SESN3: variants seen among roughly 807,000 people sequenced by gnomAD.
SESN3 encodes the protein sestrin 3, also known as sestrin-3.
Under a neutral mutation model 55.3 loss-of-function variants are expected in SESN3, and 21 were observed. The observed-to-expected ratio is 0.38, with a 90% CI of 0.27 to 0.55. SESN3 has a LOEUF of 0.55. SESN3 is among the 20% of genes least tolerant of loss of function. The probability of loss-of-function intolerance (pLI) is 0.76; values close to 1 mark genes in which losing one functional copy is unlikely to be tolerated. For synonymous variants in SESN3, 181 were observed against 203.1 expected (o/e 0.89, Z 0.93); for missense variants, 408 against 604.3 (o/e 0.68, Z 3.41).
chr11:95,184,295 AGAG>A (rs1360528400), intron 6 of SESN3, 122 bp downstream of exon 6: 6 of 747,952 alleles, frequency 8.0e-6, no homozygotes, highest in East Asian at 8.0e-5. Context: ...GTAAGATAGA[AGAG>A]GAGAACTAAA....
chr11:95,218,645 CTCTT>C (rs1278294063), intron 1 of SESN3, among the ~76,000 whole-genome samples: 1 of 146,454 alleles, frequency 6.8e-6, no homozygotes, highest in East Asian at 2.0e-4. Flanking sequence ...TAGATTTACC[CTCTT>C]TTTTTTTTTT....
intron 4 of SESN3, among the ~76,000 whole-genome samples, chr11:95,186,208 G>GTGTGTGTGTC (rs1860162271): frequency 6.8e-6 from 1 of 146,276 alleles, no homozygotes. Flanking sequence ...GTGTGTGTGT[G>GTGTGTGTGTC]TGTGTGTGTG....
intron 1 of SESN3, among the ~76,000 whole-genome samples, chr11:95,207,544 G>A (rs538160532): frequency 6.6e-6 from 1 of 151,542 alleles, no homozygotes; most frequent in African/African-American, 2.4e-5. Flanking sequence ...CTAAATGCTG[G>A]TAGAAAGTTT....
intron 6 of SESN3, chr11:95,182,207 C>A (rs1047714376): frequency 1.7e-5 from 5 of 294,158 alleles, no homozygotes; most frequent in Non-Finnish European, 3.4e-5. Context: ...ATTTTTCAAG[C>A]TTTAGTGATC....
rs1250776923 is a variant in SESN3 at position 95,170,786 on chromosome 11, A to G, written c.*2469T>C. Reference sequence around the variant, plus strand: ...GGCTGGTTCACTGAGGTTCATAAATATATGGTGTTGTTTTTGTTTATAGTT... The same window carrying G: ...GGCTGGTTCACTGAGGTTCATAAATGTATGGTGTTGTTTTTGTTTATAGTT... On this transcript the variant is annotated 3_prime_UTR_variant, in exon 10 of 10. Coordinates refer to ENST00000536441, the MANE Select transcript of SESN3 (RefSeq NM_144665.4). 3 of 152,160 alleles carry G rather than the reference A, an allele frequency of 2.0e-5. No homozygotes were observed. Among genetic ancestry groups the G allele is most frequent in the Admixed American group, 2.0e-4 (3 of 15,272 alleles). 9.4% of individuals were successfully genotyped at this position (152,160 alleles called of 1,614,324 possible). A position where few individuals can be genotyped will look rare whatever the true frequency, so the allele number is the denominator to read the frequency against.
intron 1 of SESN3, among the ~76,000 whole-genome samples, chr11:95,196,957 C>T (rs1315348822): frequency 2.6e-5 from 4 of 152,158 alleles, no homozygotes; most frequent in African/African-American, 9.7e-5. Context: ...CAGAAATGCT[C>T]TGAACCAATC....
intron 1 of SESN3, among the ~76,000 whole-genome samples, chr11:95,222,066 C>A (rs145234032): frequency 6.6e-6 from 1 of 152,158 alleles, no homozygotes; most frequent in East Asian, 1.9e-4. Flanking sequence ...CTAGGCTCAC[C>A]TAGAATCTTG....
At chr11:95,218,281 A>G (rs1046627278) in intron 1 of SESN3, among the ~76,000 whole-genome samples, 3 of 152,184 alleles carry the variant, frequency 2.0e-5, no homozygotes, top group African/African-American at 7.2e-5. Flanking sequence ...ACCAAATCCT[A>G]CTCTTGACTG....
intron 6 of SESN3, among the ~76,000 whole-genome samples, chr11:95,182,345 C>T (rs1860072731): frequency 6.6e-6 from 1 of 152,066 alleles, no homozygotes; most frequent in Non-Finnish European, 1.5e-5. Context: ...TTCCTTCAAC[C>T]TCACCTCTTC....
intron 1 of SESN3, among the ~76,000 whole-genome samples, chr11:95,209,903 G>A (rs1315954599): frequency 6.7e-6 from 1 of 150,068 alleles, no homozygotes; most frequent in Non-Finnish European, 1.5e-5. Flanking sequence ...TGTAGTCCCA[G>A]CTACTCTGGA....
At chr11:95,206,379 C>G (rs971870474) in intron 1 of SESN3, among the ~76,000 whole-genome samples, 39 of 150,468 alleles carry the variant, frequency 2.6e-4, no homozygotes, top group Middle Eastern at 3.2e-3. Flanking sequence ...CACACACACA[C>G]ACACACACAC....
At chr11:95,176,353 G>A (rs1859955654) in intron 8 of SESN3, among the ~76,000 whole-genome samples, 1 of 152,204 alleles carries the variant, frequency 6.6e-6, no homozygotes, top group Non-Finnish European at 1.5e-5. Flanking sequence ...TAGCCAGATG[G>A]AAATGAAAGG....
chr11:95,228,710 G>C (rs981240402), intron 1 of SESN3, among the ~76,000 whole-genome samples: 4 of 152,156 alleles, frequency 2.6e-5, no homozygotes, highest in African/African-American at 9.7e-5. Flanking sequence ...TTTCCATTAA[G>C]TTATTTCATG....
intron 1 of SESN3, among the ~76,000 whole-genome samples, chr11:95,223,887 C>A (rs893501433): frequency 6.6e-6 from 1 of 152,012 alleles, no homozygotes; most frequent in African/African-American, 2.4e-5. Context: ...GTTATAACTG[C>A]CCATATTTAC....
intron 1 of SESN3, among the ~76,000 whole-genome samples, chr11:95,224,886 A>T (rs11021088): frequency 0.29 from 43,817 of 152,070 alleles, 6,750 homozygotes; most frequent in Non-Finnish European, 0.33. Flanking sequence ...TTACATGAAA[A>T]AAGTGGCTAG....
At position 95,230,641 on chromosome 11, in the gene SESN3, G is replaced by T; in HGVS notation, c.78+142C>A. 1 of 613,674 alleles carries T rather than the reference G, an allele frequency of 1.6e-6. No individual in the cohort carries two copies. The highest frequency in any genetic ancestry group is 2.8e-6 in the Non-Finnish European group (1 of 357,120). The allele number at this position is 613,674 out of a possible 1,614,324, so 38.0% of individuals were successfully genotyped here. The stretch of plus-strand genomic sequence containing the variant: ...CCAAACCCTCCTGCCCTCAACCCAC[G>T]CCCCCTTTCTCAGTCCCTGCGGAGG... On this transcript the variant is annotated intron_variant, in intron 1 of 9. Coordinates refer to ENST00000536441, the MANE Select transcript of SESN3 (RefSeq NM_144665.4). This position sits in a 1 kb window ranked among gnomAD's most constrained non-coding sequence, Gnocchi z 4.6.
chr11:95,181,063 C>T (rs562321591), intron 6 of SESN3, among the ~76,000 whole-genome samples: 11 of 151,940 alleles, frequency 7.2e-5, no homozygotes, highest in South Asian at 2.1e-4. Flanking sequence ...AAGCCAAAAA[C>T]GGTAAGTAAT....
intron 5 of SESN3, among the ~76,000 whole-genome samples, 192 bp downstream of exon 5, chr11:95,185,064 T>C (rs1246880638): frequency 6.6e-6 from 1 of 152,066 alleles, no homozygotes; most frequent in Non-Finnish European, 1.5e-5. Flanking sequence ...TGCAGTAATA[T>C]GTATTTGCTT....
intron 1 of SESN3, among the ~76,000 whole-genome samples, chr11:95,198,650 G>A (rs892875183): frequency 1.3e-5 from 2 of 151,932 alleles, no homozygotes; most frequent in African/African-American, 2.4e-5. Flanking sequence ...AGTTTCTTTC[G>A]CTGTCACTAG....
Sources: gnomAD v4.1 joint callset for allele counts (sites outside exome capture counted in the v4.1 genomes callset) on GRCh38, gnomAD v4.1.1 for gene constraint, Gnocchi (gnomAD v3.1) non-coding constraint, MANE v1.5 for transcripts, NCBI Gene and HGNC (gene_info 2026-07-23, HGNC 2026-07-21) for gene names.